The following MZT2B variants were observed in gnomAD, a reference collection of about 807,000 sequenced individuals.
The protein encoded by MZT2B is mitotic spindle organizing protein 2B.
Under a neutral mutation model 12.1 loss-of-function variants are expected in MZT2B, and 11 were observed. That is an observed-to-expected ratio of 0.91 (90% CI 0.57 to 1.50). MZT2B has a LOEUF of 1.50. MZT2B is among the 40% of genes most tolerant of loss of function. The pLI, the probability that MZT2B is intolerant of heterozygous loss-of-function variation, is 0.00. For synonymous variants in MZT2B, 85 were observed against 109.5 expected, an observed-to-expected ratio of 0.78 and a Z score of 1.40; for missense variants, 209 against 227.7, an observed-to-expected ratio of 0.92 and a Z score of 0.53.
intron 2 of MZT2B, chr2:130,184,972 C>G (rs1222851909): frequency 3.8e-6 from 3 of 791,488 alleles, no homozygotes; most frequent in Admixed American, 6.2e-5. Context: ...CAAGACCAGC[C>G]TGGGCAACAT....
the MZT2B span, chr2:130,198,314 C>T: frequency 1.5e-6 from 2 of 1,352,192 alleles, no homozygotes; most frequent in Non-Finnish European, 1.0e-6. Context: ...AGGCCAACTT[C>T]GTCTGCCTGG....
chr2:130,182,004 G>A (rs1689696301), upstream of MZT2B: 1 of 1,370,860 alleles, frequency 7.3e-7, no homozygotes, highest in South Asian at 1.4e-5. Context: ...AAGCGAGCAC[G>A]ACCAATGCAG....
At position 130,182,409 on chromosome 2, in the gene MZT2B, C is replaced by G. The variant is rs775986505; in HGVS notation, c.127C>G (p.Leu43Val). 6.4e-6 allele frequency: 10 copies of G among 1,565,214 alleles called. No individual in the cohort carries two copies. Among genetic ancestry groups the G allele is most frequent in the African/African-American group, 1.4e-5 (1 of 73,742 alleles). Residue 43 changes from leucine (L) to valine (V), a missense_variant, in exon 1 of 3, where the codon CTG becomes GTG. Leu to Val is a conservative substitution (Grantham distance 32). Coordinates refer to ENST00000281871, the MANE Select transcript of MZT2B (RefSeq NM_025029.5). ...LSTEEMELYELAQAAGGAIDP... is the reference protein window; with the variant it reads ...LSTEEMELYEVAQAAGGAIDP... ...CACCGAGGAGATGGAGCTGTACGAGCTGGCGCAGGCGGCGGGCGGCGCTAT... is the reference window on the plus strand; with the variant it reads ...CACCGAGGAGATGGAGCTGTACGAGGTGGCGCAGGCGGCGGGCGGCGCTAT...
downstream of MZT2B, chr2:130,192,178 A>G (rs568301640): frequency 6.4e-7 from 1 of 1,552,240 alleles, no homozygotes; most frequent in African/African-American, 1.4e-5. Context: ...TCAAACCTAG[A>G]AATGGTAGCT....
At chr2:130,189,405 A>C (rs896571229) in intron 2 of MZT2B, among the ~76,000 whole-genome samples, 3 of 152,178 alleles carry the variant, frequency 2.0e-5, no homozygotes, top group Non-Finnish European at 4.4e-5. Context: ...TGCAGGGGGA[A>C]CATGTAGCTG....
At chr2:130,194,052 G>C (rs76767502), downstream of MZT2B, 713 of 1,614,144 alleles carry the variant, frequency 4.4e-4, 1 homozygote, top group African/African-American at 8.4e-3. Flanking sequence ...AAGTGGATGC[G>C]GGGGTACGGC....
At chr2:130,186,054 G>A (rs1690048223) in intron 2 of MZT2B, among the ~76,000 whole-genome samples, 1 of 152,096 alleles carries the variant, frequency 6.6e-6, no homozygotes, top group Non-Finnish European at 1.5e-5. Flanking sequence ...AATGCTGAGA[G>A]CTCTCTGAGG....
chr2:130,198,443 C>G, the MZT2B span: 2 of 1,337,302 alleles, frequency 1.5e-6, no homozygotes, highest in Non-Finnish European at 2.0e-6. Flanking sequence ...CTGCAATGAC[C>G]TGCCCACGCG....
At chr2:130,198,062 C>G in the MZT2B span, among the ~76,000 whole-genome samples, 2 of 123,418 alleles carry the variant, frequency 1.6e-5, 1 homozygote, top group Non-Finnish European at 3.6e-5. Flanking sequence ...GAAGCGGGAG[C>G]AGCGCCCTCC....
At chr2:130,193,301 CAG>C (rs896711521), downstream of MZT2B, among the ~76,000 whole-genome samples, 6 of 151,952 alleles carry the variant, frequency 3.9e-5, no homozygotes, top group African/African-American at 9.7e-5. Context: ...TGTGATGACT[CAG>C]AAAGAGTTCA....
At chr2:130,196,348 C>T in the MZT2B span, 13 of 1,613,838 alleles carry the variant, frequency 8.1e-6, no homozygotes, top group Admixed American at 3.3e-5. Context: ...CCGCCTGCCC[C>T]ACGTGGATAG....
upstream of MZT2B, chr2:130,181,775 G>C: frequency 1.3e-6 from 2 of 1,547,890 alleles, no homozygotes; most frequent in Non-Finnish European, 1.7e-6. Flanking sequence ...CGCCTGCGTT[G>C]TGGCGGCCTC....
At chr2:130,182,539 A>G in intron 1 of MZT2B, 87 bp downstream of exon 1, 1 of 1,553,182 alleles carries the variant, frequency 6.4e-7, no homozygotes, top group Non-Finnish European at 8.7e-7. Context: ...GGTCGGGAGG[A>G]GCCCCCGCCC....
downstream of MZT2B, among the ~76,000 whole-genome samples, chr2:130,194,859 GTAGACA>G (rs1283979828): frequency 6.6e-6 from 1 of 152,116 alleles, no homozygotes; most frequent in East Asian, 1.9e-4. Flanking sequence ...CGTATTTTTA[GTAGACA>G]TAGAGTTTCA....
At chr2:130,183,729 G>A in intron 2 of MZT2B, 2 of 1,550,474 alleles carry the variant, frequency 1.3e-6, no homozygotes, top group Non-Finnish European at 1.7e-6. Flanking sequence ...CCTGCGTGCT[G>A]GCCTCTTCAC....
Position 130,182,617 on chromosome 2 carries a change from T to C in MZT2B, c.171-10T>C. On this transcript the variant is annotated splice_polypyrimidine_tract_variant and intron_variant, in intron 1 of 2. Transcript: ENST00000281871. The stretch of plus-strand genomic sequence containing the variant: ...AGAGGGCTCACCGGCCCCGCGTCTG[T>C]CCCCGCCAGGATCCTGGTGGACCTG... The C allele has an allele frequency of 6.5e-7, 1 of 1,543,230 alleles. No individual in the cohort carries two copies. The highest frequency in any genetic ancestry group is 8.7e-7 in the Non-Finnish European group (1 of 1,145,116).
the MZT2B span, among the ~76,000 whole-genome samples, chr2:130,197,497 A>C: frequency 8.3e-6 from 1 of 119,916 alleles, no homozygotes; most frequent in Non-Finnish European, 1.8e-5. Context: ...TGTCTCAAAA[A>C]AAAAAAAAAA....
chr2:130,187,785 C>T (rs1573764521), intron 2 of MZT2B, among the ~76,000 whole-genome samples: 1 of 152,194 alleles, frequency 6.6e-6, no homozygotes, highest in East Asian at 1.9e-4. Context: ...CCTGAGAGCG[C>T]ACAATTCCTG....
At chr2:130,182,482 A>T (rs376233184) in intron 1 of MZT2B, 30 bp downstream of exon 1, 18 of 1,540,686 alleles carry the variant, frequency 1.2e-5, no homozygotes, top group Non-Finnish European at 1.6e-5. Context: ...GCCGCATGCT[A>T]GCCAGACACC....
Sources: allele counts gnomAD v4.1 joint callset (sites outside exome capture counted in the v4.1 genomes callset), GRCh38; gene constraint gnomAD v4.1.1; transcripts MANE v1.5; gene names NCBI Gene and HGNC (gene_info 2026-07-23, HGNC 2026-07-21).